The following LHFPL3 variants were observed in gnomAD, a reference collection of about 807,000 sequenced individuals.
The protein encoded by LHFPL3 is LHFPL tetraspan subfamily member 3, also known as LHFPL tetraspan subfamily member 3 protein.
In LHFPL3, 5 loss-of-function variants were observed where a neutral mutation model predicts 19.3. The observed-to-expected ratio is 0.26, with a 90% CI of 0.14 to 0.54. The LOEUF (loss-of-function observed/expected upper bound fraction) is 0.54. Among genes scored for constraint, LHFPL3 ranks in the 20% least tolerant of loss-of-function variants. The pLI is 0.94. For synonymous variants in LHFPL3, 133 were observed against 126.2 expected, an observed-to-expected ratio of 1.05 and a Z score of -0.36; for missense variants, 249 against 307.4, an observed-to-expected ratio of 0.81 and a Z score of 1.42.
rs557833963 is a variant in LHFPL3, at chr7:104,906,269, C to A, written c.*54C>A. 1.3e-6 allele frequency: 2 copies of A among 1,559,934 alleles called. No individual in the cohort carries two copies. Among genetic ancestry groups the A allele is most frequent in the Admixed American group, 1.8e-5 (1 of 55,166 alleles). On this transcript the variant is annotated 3_prime_UTR_variant, in exon 3 of 3. Transcript: ENST00000424859. ...CAAATCGAATAACAGCTAAACGAAT[C>A]GAATAACAGCTTTTGTACATCAACA...
chr7:104,696,374 A>C (rs1173335121), intron 1 of LHFPL3, among the ~76,000 whole-genome samples: 1 of 152,240 alleles, frequency 6.6e-6, no homozygotes, highest in East Asian at 1.9e-4. Context: ...TGCACTTGGC[A>C]AATGGGAGTT....
chr7:104,387,541 T>C (rs1191891072), intron 1 of LHFPL3, among the ~76,000 whole-genome samples: 1 of 152,198 alleles, frequency 6.6e-6, no homozygotes, highest in East Asian at 1.9e-4. Context: ...ATAGAAATTA[T>C]GAAAGTCTCA....
At chr7:104,442,798 A>G (rs1792252452) in intron 1 of LHFPL3, among the ~76,000 whole-genome samples, 1 of 152,232 alleles carries the variant, frequency 6.6e-6, no homozygotes, top group African/African-American at 2.4e-5. Flanking sequence ...GCGACTTTTC[A>G]AAGTATATCA....
intron 1 of LHFPL3, among the ~76,000 whole-genome samples, chr7:104,487,812 G>C (rs1793267018): frequency 6.6e-6 from 1 of 152,098 alleles, no homozygotes; most frequent in Admixed American, 6.5e-5. Context: ...TATGATGTTT[G>C]TTCACAATTT....
intron 1 of LHFPL3, among the ~76,000 whole-genome samples, chr7:104,699,735 A>G (rs1296706986): frequency 6.6e-6 from 1 of 152,204 alleles, no homozygotes; most frequent in Non-Finnish European, 1.5e-5. Context: ...GACCCTATCA[A>G]AGCAGTTTTC....
chr7:104,608,352 T>C (rs1791145004), intron 1 of LHFPL3, among the ~76,000 whole-genome samples: 1 of 151,842 alleles, frequency 6.6e-6, no homozygotes, highest in Non-Finnish European at 1.5e-5. Flanking sequence ...TGTAGGGACA[T>C]GGATGAAATT....
intron 1 of LHFPL3, among the ~76,000 whole-genome samples, chr7:104,589,003 G>T (rs1041922017): frequency 6.6e-6 from 1 of 152,186 alleles, no homozygotes; most frequent in Non-Finnish European, 1.5e-5. Context: ...AGCTTAAGAA[G>T]ATTTTGGGCT....
In LHFPL3 at chr7:104,410,053, C is replaced by T. The variant is rs1791503463; in HGVS notation, c.445+80829C>T. Among the ~76,000 whole-genome samples the T allele has an allele frequency of 4.6e-5, 7 of 152,104 alleles. No individual in the cohort carries two copies. The South Asian group carries it at 1.5e-3, about 32-fold the overall frequency. On this transcript the variant is annotated intron_variant, in intron 1 of 2. Transcript: ENST00000424859. ...GATGTATGAGAAAAACCACTTGAAA[C>T]GTGGTCCATATTCCTTAACTAACCA...
intron 1 of LHFPL3, among the ~76,000 whole-genome samples, chr7:104,435,017 T>A (rs543977012): frequency 1.3e-5 from 2 of 152,322 alleles, no homozygotes; most frequent in South Asian, 4.1e-4. Context: ...GGAATGCATC[T>A]TTTTTGTTAA....
chr7:104,884,351 C>T (rs1584597265), intron 2 of LHFPL3, among the ~76,000 whole-genome samples: 3 of 152,180 alleles, frequency 2.0e-5, no homozygotes, highest in South Asian at 4.1e-4. Flanking sequence ...GAGATAGGCC[C>T]TCTGACCGCT....
intron 1 of LHFPL3, among the ~76,000 whole-genome samples, chr7:104,601,612 C>G (rs1433734583): frequency 2.0e-5 from 3 of 152,184 alleles, no homozygotes; most frequent in Non-Finnish European, 4.4e-5. Flanking sequence ...ATGGCCAGAG[C>G]AGCCAGCCAC....
chr7:104,361,909 A>G (rs1790395809), intron 1 of LHFPL3, among the ~76,000 whole-genome samples: 1 of 152,222 alleles, frequency 6.6e-6, no homozygotes, highest in South Asian at 2.1e-4. Flanking sequence ...TGCTGCAAGA[A>G]TAACTGTGAT....
At chr7:104,365,572 G>T (rs1358469060) in intron 1 of LHFPL3, among the ~76,000 whole-genome samples, 1 of 150,802 alleles carries the variant, frequency 6.6e-6, no homozygotes, top group Non-Finnish European at 1.5e-5. Context: ...ATGAGGTCAG[G>T]AGATCGAGAC....
chr7:104,623,270 T>C (rs763624298), intron 1 of LHFPL3, among the ~76,000 whole-genome samples: 1 of 152,002 alleles, frequency 6.6e-6, no homozygotes, highest in Non-Finnish European at 1.5e-5. Context: ...CAATCTGGGC[T>C]ATGTACCATT....
intron 2 of LHFPL3, among the ~76,000 whole-genome samples, chr7:104,807,507 T>G (rs1178270311): frequency 6.6e-6 from 1 of 152,204 alleles, no homozygotes; most frequent in Non-Finnish European, 1.5e-5. Flanking sequence ...CTCAAAGTAT[T>G]ATTTCCAGTT....
chr7:104,886,471 T>C (rs1792149611), intron 2 of LHFPL3, among the ~76,000 whole-genome samples: 1 of 152,164 alleles, frequency 6.6e-6, no homozygotes, highest in African/African-American at 2.4e-5. Context: ...TTCAAGCAAT[T>C]CTCCTGCCTC....
At chr7:104,815,084 TC>T (rs1457278311) in intron 2 of LHFPL3, among the ~76,000 whole-genome samples, 4 of 152,000 alleles carry the variant, frequency 2.6e-5, no homozygotes, top group African/African-American at 7.2e-5. Flanking sequence ...AAAGTGGGAC[TC>T]CCGCCTGCCC....
intron 2 of LHFPL3, among the ~76,000 whole-genome samples, chr7:104,899,458 C>G (rs1584605970): frequency 6.6e-6 from 1 of 151,750 alleles, no homozygotes; most frequent in Non-Finnish European, 1.5e-5. Flanking sequence ...TGGGACAGAC[C>G]TCGCTGAGAG....
chr7:104,645,654 C>T (rs200688154), intron 1 of LHFPL3, among the ~76,000 whole-genome samples: 530 of 81,514 alleles, frequency 6.5e-3, no homozygotes, highest in Middle Eastern at 0.032. Flanking sequence ...ATTGGGTTTT[C>T]TTTTTTTTTT....
Sources: gnomAD v4.1 joint callset for allele counts (sites outside exome capture counted in the v4.1 genomes callset) on GRCh38, gnomAD v4.1.1 for gene constraint, MANE v1.5 for transcripts, NCBI Gene and HGNC (gene_info 2026-07-23, HGNC 2026-07-21) for gene names.